Variants in CELF6 observed in about 807,000 individuals in gnomAD.
The protein encoded by CELF6 is Bruno -like 6, RNA binding protein.
CELF6 carries 32 observed loss-of-function variants against 53.1 expected under a neutral mutation model. The observed-to-expected ratio is 0.60, with a 90% CI of 0.46 to 0.81. CELF6 has a LOEUF of 0.81. Ranked by LOEUF, CELF6 falls within the 30% of genes least tolerant of loss-of-function variation. The probability of loss-of-function intolerance (pLI) is 0.00; values close to 1 mark genes in which losing one functional copy is unlikely to be tolerated. For missense variants in CELF6, 539 were observed against 669.5 expected (o/e 0.81, Z 2.15); for synonymous variants, 291 against 288.8 (o/e 1.01, Z -0.08).
chr15:72,294,526 C>T (rs545547471), intron 3 of CELF6, among the ~76,000 whole-genome samples: 8 of 152,216 alleles, frequency 5.3e-5, no homozygotes, highest in Admixed American at 5.2e-4. Flanking sequence ...AGTCTCCTGG[C>T]CAGATGTGAC....
chr15:72,319,921 TCC>T lies in CELF6; in HGVS notation c.-49_-48del. 7.1e-7 allele frequency: 1 copy of T among 1,412,636 alleles called. No homozygotes were observed. Among genetic ancestry groups the T allele is most frequent in the South Asian group, 1.6e-5 (1 of 64,108 alleles). The allele number at this position is 1,412,636 out of a possible 1,614,324, so 87.5% of individuals were successfully genotyped here. The stretch of plus-strand genomic sequence containing the variant: ...CCGCCGGTCCCACTGGTCCCGCCTG[TCC>T]CGCCGTCCCCTCCCTGGACCGGTGG... On this transcript the variant is annotated 5_prime_UTR_variant, in exon 1 of 13. Coordinates refer to ENST00000287202, the MANE Select transcript of CELF6 (RefSeq NM_052840.5). The surrounding 1 kb of genome is among the most constrained non-coding windows in gnomAD (Gnocchi z 5.0).
At chr15:72,296,705 G>A (rs961351683) in intron 3 of CELF6, among the ~76,000 whole-genome samples, 3 of 152,132 alleles carry the variant, frequency 2.0e-5, no homozygotes, top group Non-Finnish European at 2.9e-5. Flanking sequence ...TGCTCAAAAT[G>A]ACTAATTGTT....
At position 72,319,424 on chromosome 15, in the gene CELF6, C is replaced by G. The variant is rs762098200; in HGVS notation, c.262+189G>C. Reference sequence around the variant, plus strand: ...GAGTGGAGAACATGTTAGGGGACCACAGTGATAATCAGAGGGAGGATGTCA... The same window carrying G: ...GAGTGGAGAACATGTTAGGGGACCAGAGTGATAATCAGAGGGAGGATGTCA... On this transcript the variant is annotated intron_variant, in intron 1 of 12. Transcript: ENST00000287202. The surrounding 1 kb of genome is among the most constrained non-coding windows in gnomAD (Gnocchi z 5.0). Among the ~76,000 whole-genome samples the G allele has an allele frequency of 6.6e-5, 10 of 151,822 alleles. No homozygotes were observed. The highest frequency in any genetic ancestry group is 1.3e-4 in the Non-Finnish European group (9 of 67,992).
rs765811380 is a variant in CELF6, at chr15:72,288,591, A to G, written c.1121T>C (p.Val374Ala). 1 of 1,577,566 alleles carries G rather than the reference A, an allele frequency of 6.3e-7. No homozygotes were observed. The highest frequency in any genetic ancestry group is 8.6e-7 in the Non-Finnish European group (1 of 1,161,332). Residue 374 changes from valine (V) to alanine (A), a missense_variant, in exon 10 of 13, where the codon GTG becomes GCG. Transcript: ENST00000287202. The surrounding 1 kb of genome is among the most constrained non-coding windows in gnomAD (Gnocchi z 4.6). ...AGGCTGCTGGGGAAAAGCTGTGCTC[A>G]CTGGGGCATAGGCCGACGGATAGGC... ...AAAYPSAYAP[V>A]STAFPQQPSA...
intron 3 of CELF6, among the ~76,000 whole-genome samples, chr15:72,303,189 C>T (rs1160834887): frequency 6.6e-6 from 1 of 152,164 alleles, no homozygotes; most frequent in Non-Finnish European, 1.5e-5. Context: ...AGTTGGCCAA[C>T]AATGGCCTTG....
chr15:72,315,653 C>CT (rs2088352911), intron 2 of CELF6, among the ~76,000 whole-genome samples, 192 bp downstream of exon 2: 1 of 152,154 alleles, frequency 6.6e-6, no homozygotes, highest in South Asian at 2.1e-4. Flanking sequence ...TCTTGAGCCC[C>CT]TTTTTTGAGC....
At chr15:72,313,309 T>C (rs2088321986) in intron 2 of CELF6, among the ~76,000 whole-genome samples, 1 of 152,180 alleles carries the variant, frequency 6.6e-6, no homozygotes, top group Admixed American at 6.5e-5. Context: ...AACAATACCT[T>C]ATTTAGGCCT....
chr15:72,295,398 A>G (rs962692199), intron 3 of CELF6, among the ~76,000 whole-genome samples: 3 of 151,902 alleles, frequency 2.0e-5, no homozygotes, highest in Non-Finnish European at 4.4e-5. Flanking sequence ...CCAGGAGGTG[A>G]AAGACTCATA....
intron 2 of CELF6, among the ~76,000 whole-genome samples, chr15:72,314,551 G>A (rs2088336739): frequency 6.6e-6 from 1 of 150,956 alleles, no homozygotes; most frequent in Non-Finnish European, 1.5e-5. Context: ...TGGCAGAGCT[G>A]GGATTCAAAT....
chr15:72,306,120 A>G, intron 2 of CELF6: 46 of 984,656 alleles, frequency 4.7e-5, no homozygotes, highest in Non-Finnish European at 5.4e-5. Flanking sequence ...GAGTGAATTC[A>G]TGATTGAATC....
intron 3 of CELF6, among the ~76,000 whole-genome samples, chr15:72,297,596 C>A (rs2088097746): frequency 6.6e-6 from 1 of 152,194 alleles, no homozygotes; most frequent in Non-Finnish European, 1.5e-5. Context: ...ACACATCCTA[C>A]AACGTGAATG....
intron 3 of CELF6, among the ~76,000 whole-genome samples, chr15:72,294,925 C>A (rs796618274): frequency 3.0e-5 from 4 of 135,444 alleles, no homozygotes; most frequent in African/African-American, 1.1e-4. Flanking sequence ...TTGCAGTGAG[C>A]TGAGATTGTG....
Position 72,288,173 on chromosome 15 carries a change from T to C in CELF6, c.1318+135A>G. 2.0e-6 allele frequency: 2 copies of C among 997,330 alleles called. No homozygotes were observed. Among genetic ancestry groups the C allele is most frequent in the Non-Finnish European group, 1.6e-6 (1 of 642,444 alleles). 61.8% of individuals were successfully genotyped at this position (997,330 alleles called of 1,614,324 possible). A position where few individuals can be genotyped will look rare whatever the true frequency, so the allele number is the denominator to read the frequency against. ...GTTGGCCTAAACTTAGGCCCATCAC[T>C]GGTTTGTGACCCTGTTTTGTGCCAT... On this transcript the variant is annotated intron_variant, in intron 11 of 12. Transcript: ENST00000287202. This position sits in a 1 kb window ranked among gnomAD's most constrained non-coding sequence, Gnocchi z 4.6.
At chr15:72,316,538 C>A (rs138246654) in intron 1 of CELF6, among the ~76,000 whole-genome samples, 212 of 152,222 alleles carry the variant, frequency 1.4e-3, no homozygotes, top group African/African-American at 4.9e-3. Context: ...TAATCCTGTT[C>A]AAGGATCTTG....
At chr15:72,290,459 C>T (rs532554827) in intron 3 of CELF6, among the ~76,000 whole-genome samples, 1 of 152,312 alleles carries the variant, frequency 6.6e-6, no homozygotes, top group East Asian at 1.9e-4. Flanking sequence ...CTCAGCTTTC[C>T]ATCAGGAAAA....
intron 3 of CELF6, 55 bp downstream of exon 3, chr15:72,304,691 G>C (rs2088203172): frequency 2.0e-6 from 3 of 1,531,084 alleles, no homozygotes; most frequent in Middle Eastern, 3.4e-4. Flanking sequence ...CCAGGTGTGG[G>C]CCCACCCTCC....
At position 72,319,645 on chromosome 15, in the gene CELF6, A is replaced by T. The variant is rs1289555502; in HGVS notation, c.230T>A (p.Val77Glu). ...GAGGCCGGTGAGCCGGTCCTTCAGCACCGTCAGCTCGTAGATGCGGCCGAA... is the reference window on the plus strand; with the variant it reads ...GAGGCCGGTGAGCCGGTCCTTCAGCTCCGTCAGCTCGTAGATGCGGCCGAA... ...EEFGRIYELTVLKDRLTGLHK... is the reference protein window; with the variant it reads ...EEFGRIYELTELKDRLTGLHK... Residue 77 changes from valine to glutamate, a missense_variant, in exon 1 of 13, where the codon GTG (valine) becomes GAG (glutamate). Around this residue, in one of 3 missense-constraint regions of CELF6, gnomAD observed 97 missense variants for 168.8 expected, o/e 0.57. Coordinates refer to ENST00000287202, the MANE Select transcript of CELF6 (RefSeq NM_052840.5). The surrounding 1 kb of genome is among the most constrained non-coding windows in gnomAD (Gnocchi z 5.0). 7 of 1,569,614 alleles carry T rather than the reference A, an allele frequency of 4.5e-6. No individual in the cohort carries two copies. The highest frequency in any genetic ancestry group is 6.1e-6 in the Non-Finnish European group (7 of 1,156,472).
intron 4 of CELF6, 27 bp from the exon 5 acceptor site, chr15:72,290,045 G>C (rs757661728): frequency 6.2e-7 from 1 of 1,613,022 alleles, no homozygotes; most frequent in Admixed American, 1.7e-5. Context: ...GGAGCGGGTG[G>C]CTCAGGCCAC....
Position 72,319,858 on chromosome 15 carries a change from C to T in CELF6, c.17G>A (p.Gly6Glu). MAAAP[G>E]GSAQPAGPGP... is the part of the protein sequence containing the mutation. ...GGGGCCAGCGGGCTGCGCTGACCCTCCCGGCGCCGCGGCCATGTCCCCGCC... is the reference window on the plus strand; with the variant it reads ...GGGGCCAGCGGGCTGCGCTGACCCTTCCGGCGCCGCGGCCATGTCCCCGCC... The change falls in exon 1 of 13, where the codon GGA becomes GAA. Residue 6 changes from glycine (G) to glutamate (E), a missense_variant. Physicochemically the swap from Gly to Glu is moderately conservative, Grantham distance 98 (BLOSUM62 -2). Around this residue, in one of 3 missense-constraint regions of CELF6, gnomAD observed 84 missense variants for 87.9 expected, o/e 0.96. Transcript: ENST00000287202. The surrounding 1 kb of genome is among the most constrained non-coding windows in gnomAD (Gnocchi z 5.0). The T allele has an allele frequency of 6.6e-7, 1 of 1,512,662 alleles. No individual in the cohort carries two copies. Among genetic ancestry groups the T allele is most frequent in the Non-Finnish European group, 8.8e-7 (1 of 1,130,008 alleles). 93.7% of individuals were successfully genotyped at this position (1,512,662 alleles called of 1,614,324 possible).
Sources: allele counts gnomAD v4.1 joint callset (sites outside exome capture counted in the v4.1 genomes callset), GRCh38; gene constraint gnomAD v4.1.1; regional missense constraint gnomAD v4.1.1; non-coding constraint Gnocchi (gnomAD v3.1); transcripts MANE v1.5; gene names NCBI Gene and HGNC (gene_info 2026-07-23, HGNC 2026-07-21).